The following NPAS3 variants were observed in gnomAD, a reference collection of about 807,000 sequenced individuals.
NPAS3 encodes the protein neuronal PAS domain protein 3, also known as neuronal PAS domain-containing protein 3.
NPAS3 carries 14 observed loss-of-function variants against 73.1 expected under a neutral mutation model. The ratio of observed to expected loss-of-function variants is 0.19; its 90% CI spans 0.13 to 0.30. The LOEUF is 0.30. Among genes scored for constraint, NPAS3 ranks in the 10% least tolerant of loss-of-function variants. The pLI is 1.00. For missense variants in NPAS3, 1,096 were observed against 1,250.0 expected (o/e 0.88, Z 1.86); for synonymous variants, 620 against 541.5 (o/e 1.14, Z -2.01).
chr14:33,204,203 G>T (rs2046735042), intron 2 of NPAS3, among the ~76,000 whole-genome samples: 1 of 152,124 alleles, frequency 6.6e-6, no homozygotes, highest in Non-Finnish European at 1.5e-5. Flanking sequence ...TTCCTATGTT[G>T]TCTCACTTTA....
intron 4 of NPAS3, among the ~76,000 whole-genome samples, chr14:33,424,190 A>T (rs898898104): frequency 6.6e-6 from 1 of 151,988 alleles, no homozygotes; most frequent in African/African-American, 2.4e-5. Flanking sequence ...AATCCAAGAG[A>T]TAAGTTGGAG....
At chr14:33,495,827 G>A (rs2052154811) in intron 4 of NPAS3, among the ~76,000 whole-genome samples, 1 of 151,618 alleles carries the variant, frequency 6.6e-6, no homozygotes, top group African/African-American at 2.4e-5. Context: ...CCATTTGCTT[G>A]GTAAATATTC....
intron 1 of NPAS3, among the ~76,000 whole-genome samples, chr14:32,948,130 T>C (rs2036336974): frequency 6.6e-6 from 1 of 152,184 alleles, no homozygotes; most frequent in Non-Finnish European, 1.5e-5. Flanking sequence ...TTTAGTTTTT[T>C]CTTCCTAACA....
intron 1 of NPAS3, among the ~76,000 whole-genome samples, chr14:32,986,023 C>A (rs529225551): frequency 9.2e-5 from 14 of 152,276 alleles, no homozygotes; most frequent in African/African-American, 3.1e-4. Flanking sequence ...CCCTGAGAGT[C>A]CACATGGGCG....
intron 1 of NPAS3, among the ~76,000 whole-genome samples, chr14:33,044,868 G>A (rs2040453189): frequency 6.6e-6 from 1 of 152,166 alleles, no homozygotes; most frequent in Non-Finnish European, 1.5e-5. Flanking sequence ...GCCACAGGAA[G>A]TTTGGAGTTT....
chr14:33,686,563 T>G (rs8019299), intron 6 of NPAS3, among the ~76,000 whole-genome samples: 43,069 of 152,094 alleles, frequency 0.28, 6,435 homozygotes, highest in Non-Finnish European at 0.33. Context: ...ACCCATTATA[T>G]GCATCACCTC....
At chr14:33,181,287 G>A (rs761079303) in intron 2 of NPAS3, among the ~76,000 whole-genome samples, 2 of 152,220 alleles carry the variant, frequency 1.3e-5, no homozygotes, top group Non-Finnish European at 2.9e-5. Context: ...CAGGCAGAGT[G>A]AGGAGGTATT....
intron 5 of NPAS3, among the ~76,000 whole-genome samples, chr14:33,572,818 ATCG>A (rs1183979288): frequency 2.6e-5 from 4 of 151,958 alleles, no homozygotes; most frequent in Non-Finnish European, 5.9e-5. Flanking sequence ...AGGTCAAGAG[ATCG>A]AGACCAGCCT....
rs35991922 is a variant in NPAS3, at chr14:32,994,636, G to GTTT, written c.50+55281_50+55283dup. Among the ~76,000 whole-genome samples, 104 of 135,294 alleles carry GTTT rather than the reference G, an allele frequency of 7.7e-4. 2 individuals are homozygous for GTTT. In the East Asian group the frequency reaches 0.016, roughly 21 times the overall value. The allele number at this position is 135,294 out of a possible 152,430, so 88.8% of individuals were successfully genotyped here. ...GTTTTTTGTTTGTTTGTTTGTTTTTGTTTTTTTTTTTTTGAGACAGAGTCT... is the reference window on the plus strand; with the variant it reads ...GTTTTTTGTTTGTTTGTTTGTTTTTGTTTTTTTTTTTTTTTTGAGACAGAGTCT... On this transcript the variant is annotated intron_variant, in intron 1 of 11. Transcript: ENST00000356141.
At chr14:33,636,847 A>G (rs1047850091) in intron 5 of NPAS3, among the ~76,000 whole-genome samples, 2 of 152,032 alleles carry the variant, frequency 1.3e-5, no homozygotes, top group Non-Finnish European at 2.9e-5. Context: ...AATTTTTGGC[A>G]TCTTCATTTC....
chr14:33,233,949 G>C (rs1326589123), intron 3 of NPAS3, among the ~76,000 whole-genome samples: 3 of 152,070 alleles, frequency 2.0e-5, no homozygotes, highest in African/African-American at 7.2e-5. Context: ...TCTTTGAAAT[G>C]TGCATTCTTA....
intron 4 of NPAS3, among the ~76,000 whole-genome samples, chr14:33,405,911 A>G (rs1364767255): frequency 1.3e-5 from 2 of 152,114 alleles, no homozygotes; most frequent in Non-Finnish European, 2.9e-5. Flanking sequence ...TGAGTCTATT[A>G]GGAACCACTT....
intron 5 of NPAS3, among the ~76,000 whole-genome samples, chr14:33,595,753 A>C (rs1187854031): frequency 4.6e-5 from 7 of 151,896 alleles, no homozygotes; most frequent in Non-Finnish European, 1.0e-4. Context: ...TCACTGCAAG[A>C]TCCGCCGCCC....
At chr14:33,758,359 C>T (rs905294830) in intron 7 of NPAS3, among the ~76,000 whole-genome samples, 9 of 152,216 alleles carry the variant, frequency 5.9e-5, no homozygotes, top group Admixed American at 1.3e-4. Flanking sequence ...CTGAAAGGCT[C>T]GCCCTAGTGC....
At chr14:33,572,570 G>A (rs1382869689) in intron 5 of NPAS3, among the ~76,000 whole-genome samples, 2 of 152,156 alleles carry the variant, frequency 1.3e-5, no homozygotes, top group East Asian at 1.9e-4. Flanking sequence ...GGCAGAACTA[G>A]CGTTTAAACC....
intron 4 of NPAS3, among the ~76,000 whole-genome samples, chr14:33,419,374 T>A (rs2048282682): frequency 6.6e-6 from 1 of 151,880 alleles, no homozygotes; most frequent in Non-Finnish European, 1.5e-5. Flanking sequence ...TTATGTATAT[T>A]TTATATAGAG....
intron 6 of NPAS3, among the ~76,000 whole-genome samples, chr14:33,691,376 A>G (rs965742707): frequency 6.6e-6 from 1 of 152,216 alleles, no homozygotes; most frequent in Non-Finnish European, 1.5e-5. Context: ...AATATTAATA[A>G]TTTCACAATG....
intron 1 of NPAS3, among the ~76,000 whole-genome samples, chr14:33,034,423 G>A (rs1019256672): frequency 2.6e-5 from 4 of 151,472 alleles, no homozygotes; most frequent in Non-Finnish European, 1.5e-5. Context: ...TAAAACATAA[G>A]AAGAAAGATG....
At chr14:32,963,066 A>C (rs147863406) in intron 1 of NPAS3, among the ~76,000 whole-genome samples, 1 of 152,080 alleles carries the variant, frequency 6.6e-6, no homozygotes, top group East Asian at 1.9e-4. Context: ...AATGGCTGCT[A>C]TCCAGTGGCT....
Sources: gnomAD v4.1 joint callset for allele counts (sites outside exome capture counted in the v4.1 genomes callset) on GRCh38, gnomAD v4.1.1 for gene constraint, MANE v1.5 for transcripts, NCBI Gene and HGNC (gene_info 2026-07-23, HGNC 2026-07-21) for gene names.